The following PRELID2 variants were observed in gnomAD, a reference collection of about 807,000 sequenced individuals.
The protein encoded by PRELID2 is PRELI domain-containing protein 2.
A neutral mutation model predicts 28.4 loss-of-function variants in PRELID2; 25 were observed. The ratio of observed to expected loss-of-function variants is 0.88; its 90% CI spans 0.64 to 1.23. The LOEUF is 1.23. Among genes scored for constraint, PRELID2 ranks in the 50% most tolerant of loss-of-function variants. The pLI, the probability that PRELID2 is intolerant of heterozygous loss-of-function variation, is 0.00. For missense variants in PRELID2, 201 were observed against 214.4 expected (o/e 0.94, Z 0.39); for synonymous variants, 76 against 71.6 (o/e 1.06, Z -0.31).
chr5:145,234,099 G>T, the PRELID2 span, among the ~76,000 whole-genome samples: 1 of 152,156 alleles, frequency 6.6e-6, no homozygotes, highest in African/African-American at 2.4e-5. Flanking sequence ...ATATGCAAGA[G>T]AATATAAGTT....
the PRELID2 span, among the ~76,000 whole-genome samples, chr5:145,254,384 C>A: frequency 6.6e-6 from 1 of 152,052 alleles, no homozygotes; most frequent in South Asian, 2.1e-4. Context: ...CTAAAGCTGC[C>A]AGTGATGATT....
chr5:145,492,345 A>G (rs1554074007), intron 1 of PRELID2, among the ~76,000 whole-genome samples: 1 of 143,508 alleles, frequency 7.0e-6, no homozygotes, highest in Non-Finnish European at 1.6e-5. Context: ...ATGTCTATTC[A>G]GGTCCTTTGC....
chr5:145,475,027 T>C (rs562563002), intron 1 of PRELID2, among the ~76,000 whole-genome samples: 36 of 152,324 alleles, frequency 2.4e-4, no homozygotes, highest in African/African-American at 7.7e-4. Flanking sequence ...GAAAGACTAT[T>C]CTCTGGGTTC....
At chr5:145,311,137 T>C in the PRELID2 span, among the ~76,000 whole-genome samples, 1 of 152,178 alleles carries the variant, frequency 6.6e-6, no homozygotes, top group African/African-American at 2.4e-5. Context: ...TCATTTACTA[T>C]ATAAAGAGTG....
chr5:145,570,836 A>G (rs1234663275), intron 1 of PRELID2, among the ~76,000 whole-genome samples: 1 of 152,156 alleles, frequency 6.6e-6, no homozygotes, highest in Non-Finnish European at 1.5e-5. Context: ...TCCTCTACTA[A>G]ATACCTTCCC....
chr5:145,503,337 G>T (rs10073840), intron 1 of PRELID2, among the ~76,000 whole-genome samples: 2,525 of 152,142 alleles, frequency 0.017, 58 homozygotes, highest in African/African-American at 0.057. Flanking sequence ...ACAGTTTAAA[G>T]CCACATAGAG....
chr5:145,330,782 G>T, the PRELID2 span, among the ~76,000 whole-genome samples: 3 of 151,968 alleles, frequency 2.0e-5, no homozygotes, highest in Non-Finnish European at 4.4e-5. Context: ...CTTCAGTTCT[G>T]CTCCAATCTT....
intron 1 of PRELID2, among the ~76,000 whole-genome samples, chr5:145,719,494 TAC>T (rs571698667): frequency 1.3e-4 from 20 of 151,050 alleles, no homozygotes; most frequent in Non-Finnish European, 2.4e-4. Flanking sequence ...ACTTTCCCAT[TAC>T]GAGAGAGAGA....
At chr5:145,622,002 AC>A (rs1282597586) in intron 1 of PRELID2, among the ~76,000 whole-genome samples, 1 of 152,182 alleles carries the variant, frequency 6.6e-6, no homozygotes, top group African/African-American at 2.4e-5. Flanking sequence ...AAGAAAAAAA[AC>A]TACTGATACA....
At chr5:145,533,009 T>C (rs938297852) in intron 1 of PRELID2, among the ~76,000 whole-genome samples, 2 of 152,120 alleles carry the variant, frequency 1.3e-5, no homozygotes, top group Non-Finnish European at 2.9e-5. Context: ...ATATGGTAAT[T>C]CTATATTTAA....
At chr5:145,457,157 CA>C in the PRELID2 span, among the ~76,000 whole-genome samples, 1 of 152,052 alleles carries the variant, frequency 6.6e-6, no homozygotes, top group South Asian at 2.1e-4. Context: ...TTTTGAGTAA[CA>C]CAGTGTAATA....
the PRELID2 span, among the ~76,000 whole-genome samples, chr5:145,256,099 C>T: frequency 6.6e-6 from 1 of 151,786 alleles, no homozygotes; most frequent in Non-Finnish European, 1.5e-5. Flanking sequence ...GGGCTAAAAT[C>T]AAGGTGTCAC....
Position 145,821,152 on chromosome 5 carries a change from G to GGTGTGTGTGTGTGT in PRELID2, c.134-1148_134-1135dup, listed in dbSNP as rs70998038. On this transcript the variant is annotated intron_variant, in intron 2 of 6. Transcript: ENST00000683046. ...ACCTGATGGTCATCCAACTCTCCTG[G>GGTGTGTGTGTGTGT]GTGTGTGTGTGTGTGTGTGTGTGTG... 4.4e-3 allele frequency among the ~76,000 whole-genome samples: 388 copies of GGTGTGTGTGTGTGT among 88,238 alleles called. 17 individuals carry two copies. Among genetic ancestry groups the GGTGTGTGTGTGTGT allele is most frequent in the East Asian group, 0.017 (59 of 3,566 alleles). The allele number at this position is 88,238 out of a possible 152,430, so 57.9% of individuals were successfully genotyped here. A position where few individuals can be genotyped will look rare whatever the true frequency, so the allele number is the denominator to read the frequency against.
chr5:145,541,720 T>C, intron 1 of PRELID2, among the ~76,000 whole-genome samples: 1 of 152,080 alleles, frequency 6.6e-6, no homozygotes, highest in East Asian at 1.9e-4. Context: ...TCAGTTTTTA[T>C]GAATTCTTTT....
At chr5:145,237,019 G>A in the PRELID2 span, among the ~76,000 whole-genome samples, 60 of 152,258 alleles carry the variant, frequency 3.9e-4, no homozygotes, top group African/African-American at 1.4e-3. Flanking sequence ...AAGAATGTGA[G>A]GAACTTGACA....
chr5:145,355,857 T>G, the PRELID2 span, among the ~76,000 whole-genome samples: 1 of 152,192 alleles, frequency 6.6e-6, no homozygotes, highest in African/African-American at 2.4e-5. Context: ...TGAGCTGGTA[T>G]GTACTTTATG....
chr5:145,770,516 G>C (rs911909136), intron 5 of PRELID2, among the ~76,000 whole-genome samples: 1 of 152,084 alleles, frequency 6.6e-6, no homozygotes, highest in Non-Finnish European at 1.5e-5. Context: ...TGAAAAAAAG[G>C]TTAACTGTAA....
rs78277231 is a variant in PRELID2 at position 145,552,591 on chromosome 5, A to C, written n.71-79276T>G. ...ACAAGAGGAGATGCTTGCTGAAAAT[A>C]GAAGCAACACCAAGAAATTAGAACC... On this transcript the variant is annotated intron_variant and non_coding_transcript_variant, in intron 1 of 2. Coordinates refer to the PRELID2 transcript ENST00000510259. 1.7e-3 allele frequency among the ~76,000 whole-genome samples: 254 copies of C among 152,298 alleles called. 6 individuals are homozygous for C. In the East Asian group the frequency reaches 0.042, roughly 25 times the overall value.
intron 1 of PRELID2, among the ~76,000 whole-genome samples, chr5:145,582,206 G>A (rs1268872303): frequency 6.6e-6 from 1 of 151,998 alleles, no homozygotes; most frequent in Non-Finnish European, 1.5e-5. Flanking sequence ...TTTTCACACT[G>A]CTATAAAGAA....
Sources: gnomAD v4.1 joint callset for allele counts (sites outside exome capture counted in the v4.1 genomes callset) on GRCh38, gnomAD v4.1.1 for gene constraint, MANE v1.5 for transcripts, NCBI Gene and HGNC (gene_info 2026-07-23, HGNC 2026-07-21) for gene names.